Variants in SREBF2 observed in about 807,000 individuals in gnomAD.
SREBF2 encodes the protein sterol regulatory element binding transcription factor 2, also known as sterol regulatory element-binding protein 2.
SREBF2 carries 55 observed loss-of-function variants against 113.1 expected under a neutral mutation model. The ratio of observed to expected loss-of-function variants is 0.49; its 90% CI spans 0.39 to 0.61. SREBF2 has a LOEUF of 0.61. SREBF2 is among the 20% of genes least tolerant of loss of function. The pLI is 0.00. For missense variants in SREBF2, 1,349 were observed against 1,487.4 expected (o/e 0.91, Z 1.53); for synonymous variants, 593 against 605.7 (o/e 0.98, Z 0.31).
chr22:41,833,380 G>GACCC lies in SREBF2; in HGVS notation c.88+22_88+23insACCC. 2 of 1,486,088 alleles carry GACCC rather than the reference G, an allele frequency of 1.3e-6. No individual in the cohort carries two copies. The highest frequency in any genetic ancestry group is 1.8e-6 in the Non-Finnish European group (2 of 1,100,408). 92.1% of individuals were successfully genotyped at this position (1,486,088 alleles called of 1,614,324 possible). The stretch of plus-strand genomic sequence containing the variant: ...GACGGTGAGTGGTGGGTGGGTGGGA[G>GACCC]TGCGGGGGCCGCGCGGGGAGGAAGG... On this transcript the variant is annotated intron_variant, in intron 1 of 18. Coordinates refer to ENST00000361204, the MANE Select transcript of SREBF2 (RefSeq NM_004599.4). The surrounding 1 kb of genome is among the most constrained non-coding windows in gnomAD (Gnocchi z 4.1).
intron 14 of SREBF2, among the ~76,000 whole-genome samples, chr22:41,897,845 G>A (rs762661536): frequency 2.0e-5 from 3 of 152,160 alleles, no homozygotes; most frequent in East Asian, 1.9e-4. Context: ...GACCATCCCC[G>A]CTGGTTTTGT....
chr22:41,905,780 T>A lies in SREBF2; in HGVS notation c.*120T>A, dbSNP rs1207473039. 1 of 1,159,096 alleles carries A rather than the reference T, an allele frequency of 8.6e-7. No individual in the cohort carries two copies. Among genetic ancestry groups the A allele is most frequent in the Non-Finnish European group, 1.3e-6 (1 of 791,586 alleles). 71.8% of individuals were successfully genotyped at this position (1,159,096 alleles called of 1,614,324 possible). A position where few individuals can be genotyped will look rare whatever the true frequency, so the allele number is the denominator to read the frequency against. On this transcript the variant is annotated 3_prime_UTR_variant, in exon 19 of 19. Transcript: ENST00000361204. ...TTCTTAGCTGTCACCTGCCGAGGCT[T>A]CTGGGCCACTCAGGCCAGTGCACCC...
chr22:41,846,459 T>C (rs2076877595), intron 1 of SREBF2, among the ~76,000 whole-genome samples: 1 of 152,174 alleles, frequency 6.6e-6, no homozygotes, highest in Admixed American at 6.5e-5. Flanking sequence ...CAATGGGGAT[T>C]CTCCAAAGGA....
At chr22:41,894,990 T>C in intron 13 of SREBF2, 53 bp downstream of exon 13, 1 of 1,461,936 alleles carries the variant, frequency 6.8e-7, no homozygotes, top group South Asian at 1.1e-5. Flanking sequence ...CGCAGGCAAC[T>C]CCAGGACAGC....
At chr22:41,853,450 G>C (rs2076950531) in intron 1 of SREBF2, among the ~76,000 whole-genome samples, 3 of 152,174 alleles carry the variant, frequency 2.0e-5, no homozygotes, top group Admixed American at 2.0e-4. Flanking sequence ...CATGTTCCCT[G>C]TGTCTCTTTG....
chr22:41,905,422 C>A lies in SREBF2; in HGVS notation c.3206-18C>A. The stretch of plus-strand genomic sequence containing the variant: ...TCATGGTAGATTCTCGGTTGTGACA[C>A]ACATCTCCTTCCCACAGGAGAGGTG... On this transcript the variant is annotated intron_variant, in intron 18 of 18. Coordinates refer to ENST00000361204, the MANE Select transcript of SREBF2 (RefSeq NM_004599.4). 6.4e-7 allele frequency: 1 copy of A among 1,558,224 alleles called. No individual in the cohort carries two copies. Among genetic ancestry groups the A allele is most frequent in the Non-Finnish European group, 8.7e-7 (1 of 1,153,722 alleles).
chr22:41,890,042 A>G (rs2077343528), intron 11 of SREBF2, among the ~76,000 whole-genome samples: 1 of 152,068 alleles, frequency 6.6e-6, no homozygotes, highest in Admixed American at 6.6e-5. Context: ...ATTTCTTAGA[A>G]ATCATGGTTA....
intron 11 of SREBF2, chr22:41,885,792 G>GT (rs1361011440): frequency 6.5e-6 from 1 of 152,806 alleles, no homozygotes; most frequent in Non-Finnish European, 1.5e-5. Flanking sequence ...ATTTGTTTCC[G>GT]TATCTCAGTA....
chr22:41,875,494 G>C (rs1489184304), intron 6 of SREBF2, 43 bp downstream of exon 6: 2 of 1,614,216 alleles, frequency 1.2e-6, no homozygotes, highest in Admixed American at 3.3e-5. Flanking sequence ...GGCCCAGGTG[G>C]GGCTTTGTAA....
intron 1 of SREBF2, among the ~76,000 whole-genome samples, chr22:41,845,635 T>C (rs186010747): frequency 1.3e-5 from 2 of 152,312 alleles, no homozygotes; most frequent in Admixed American, 1.3e-4. Context: ...TCTAAATCTT[T>C]GGAGGACTGA....
chr22:41,898,081 A>G (rs1256583158), intron 14 of SREBF2, among the ~76,000 whole-genome samples: 1 of 152,222 alleles, frequency 6.6e-6, no homozygotes, highest in Non-Finnish European at 1.5e-5. Context: ...CAGACTGCCA[A>G]AAATGGGATT....
In SREBF2 at chr22:41,852,212, G is replaced by GA. The variant is rs764047027; in HGVS notation, c.89-14610dup. ...CAGGGAGGGAGGAAGGAAAAAACCA[G>GA]AAAAAAAAAGTGAAAAAATTAAATA... On this transcript the variant is annotated intron_variant, in intron 1 of 18. Coordinates refer to ENST00000361204, the MANE Select transcript of SREBF2 (RefSeq NM_004599.4). 1.8e-4 allele frequency among the ~76,000 whole-genome samples: 27 copies of GA among 148,722 alleles called. 1 individual carries two copies. Among genetic ancestry groups the GA allele is most frequent in the Admixed American group, 6.7e-5 (1 of 14,906 alleles).
intron 9 of SREBF2, among the ~76,000 whole-genome samples, chr22:41,879,122 A>G (rs1289222475): frequency 6.6e-6 from 1 of 152,122 alleles, no homozygotes; most frequent in East Asian, 1.9e-4. Flanking sequence ...TGACGTCCCA[A>G]AGTGTTAGGA....
rs769230204 is a variant in SREBF2 at position 41,878,142 on chromosome 22, C to G, written c.1761+19C>G. On this transcript the variant is annotated intron_variant, in intron 9 of 18. Transcript: ENST00000361204. ...CGCCAGAGTGAGTTCTGTGTCCGCC[C>G]TTCCCCATCCTCCCCCAGACTTGAC... 6.2e-7 allele frequency: 1 copy of G among 1,613,074 alleles called. No individual in the cohort carries two copies. Among genetic ancestry groups the G allele is most frequent in the African/African-American group, 1.3e-5 (1 of 74,910 alleles).
intron 11 of SREBF2, chr22:41,885,496 A>C (rs912248955): frequency 3.6e-5 from 7 of 194,394 alleles, no homozygotes; most frequent in African/African-American, 1.6e-4. Context: ...AAAGAAAAGA[A>C]AAATGAAATG....
intron 1 of SREBF2, among the ~76,000 whole-genome samples, chr22:41,844,389 T>C (rs557190081): frequency 3.9e-5 from 6 of 152,338 alleles, no homozygotes; most frequent in Non-Finnish European, 7.3e-5. Flanking sequence ...CCTTTTGAAA[T>C]GGCTTTTGTA....
intron 9 of SREBF2, among the ~76,000 whole-genome samples, chr22:41,878,375 G>T (rs1217303145): frequency 1.3e-5 from 2 of 152,190 alleles, no homozygotes; most frequent in Admixed American, 6.5e-5. Context: ...TAGGGCTTGA[G>T]CGGGGCTGCC....
chr22:41,901,536 C>T (rs2077465489), intron 16 of SREBF2, among the ~76,000 whole-genome samples: 1 of 152,174 alleles, frequency 6.6e-6, no homozygotes, highest in African/African-American at 2.4e-5. Flanking sequence ...TGGCATGTAT[C>T]TGTAATCCCA....
In SREBF2 at chr22:41,833,171, C is replaced by G; in HGVS notation, c.-100C>G. 1.1e-6 allele frequency: 1 copy of G among 902,764 alleles called. No homozygotes were observed. Among genetic ancestry groups the G allele is most frequent in the Non-Finnish European group, 1.6e-6 (1 of 642,414 alleles). 55.9% of individuals were successfully genotyped at this position (902,764 alleles called of 1,614,324 possible). ...GGTGGCACCCGTCGGTGAGGCGGTG[C>G]CGGGCGGGGGTTGTCGGGTGTCATG... is the stretch of plus-strand genomic sequence containing the variant. On this transcript the variant is annotated 5_prime_UTR_variant, in exon 1 of 19. Coordinates refer to ENST00000361204, the MANE Select transcript of SREBF2 (RefSeq NM_004599.4). The surrounding 1 kb of genome is among the most constrained non-coding windows in gnomAD (Gnocchi z 4.1).
Sources: allele counts gnomAD v4.1 joint callset (sites outside exome capture counted in the v4.1 genomes callset), GRCh38; gene constraint gnomAD v4.1.1; non-coding constraint Gnocchi (gnomAD v3.1); transcripts MANE v1.5; gene names NCBI Gene and HGNC (gene_info 2026-07-23, HGNC 2026-07-21).